The following CCDC60 variants were observed in gnomAD, a reference collection of about 807,000 sequenced individuals.
CCDC60 encodes the protein coiled-coil domain containing 60.
A neutral mutation model predicts 63.5 loss-of-function variants in CCDC60; 54 were observed. That is an observed-to-expected ratio of 0.85 (90% CI 0.68 to 1.07). The LOEUF is 1.07. Among genes scored for constraint, CCDC60 ranks in the 50% least tolerant of loss-of-function variants. CCDC60 has a pLI of 0.00. For missense variants in CCDC60, 651 were observed against 684.3 expected, an observed-to-expected ratio of 0.95 and a Z score of 0.54; for synonymous variants, 206 against 238.8, an observed-to-expected ratio of 0.86 and a Z score of 1.27.
chr12:119,360,953 A>G (rs892279265), intron 1 of CCDC60, among the ~76,000 whole-genome samples: 1 of 152,112 alleles, frequency 6.6e-6, no homozygotes, highest in Non-Finnish European at 1.5e-5. Flanking sequence ...GGCCAACACA[A>G]CGAAACCCCG....
At chr12:119,523,483 C>A (rs1342878899) in intron 10 of CCDC60, among the ~76,000 whole-genome samples, 1 of 152,184 alleles carries the variant, frequency 6.6e-6, no homozygotes, top group Non-Finnish European at 1.5e-5. Context: ...AGGGTCTGAA[C>A]GACCATCCTG....
chr12:119,507,392 A>G (rs909344145), intron 7 of CCDC60, among the ~76,000 whole-genome samples: 1 of 150,768 alleles, frequency 6.6e-6, no homozygotes. Context: ...ACTAAGATAG[A>G]CCATCAGCAG....
chr12:119,462,179 T>C (rs1950867808), intron 2 of CCDC60, among the ~76,000 whole-genome samples: 1 of 152,166 alleles, frequency 6.6e-6, no homozygotes, highest in Non-Finnish European at 1.5e-5. Context: ...TTCTGTGGAG[T>C]TAATTGATAA....
At chr12:119,432,928 T>C (rs1950256427) in intron 2 of CCDC60, among the ~76,000 whole-genome samples, 1 of 152,226 alleles carries the variant, frequency 6.6e-6, no homozygotes, top group Non-Finnish European at 1.5e-5. Context: ...CTAATTGTTT[T>C]ATACAGTTTG....
At position 119,419,171 on chromosome 12, in the gene CCDC60, A is replaced by T. The variant is rs117968054; in HGVS notation, c.91-9512A>T. ...GTCTAGGGCTCCCCTGCCAAATCCC[A>T]CTTCCTCCTCCTTTTCTCTTTCATG... On this transcript the variant is annotated intron_variant, in intron 1 of 13. Transcript: ENST00000327554. 8.6e-4 allele frequency among the ~76,000 whole-genome samples: 131 copies of T among 152,226 alleles called. 2 individuals are homozygous for T. In the East Asian group the frequency reaches 0.021, roughly 24 times the overall value.
At chr12:119,402,075 C>A (rs1335760742) in intron 1 of CCDC60, among the ~76,000 whole-genome samples, 1 of 152,170 alleles carries the variant, frequency 6.6e-6, no homozygotes, top group East Asian at 1.9e-4. Flanking sequence ...TCCTCAGACT[C>A]ATGAAAAAAT....
At chr12:119,512,009 G>C (rs527867669) in intron 7 of CCDC60, among the ~76,000 whole-genome samples, 13 of 152,322 alleles carry the variant, frequency 8.5e-5, no homozygotes, top group Non-Finnish European at 1.8e-4. Flanking sequence ...CAAATTGAGA[G>C]CTGGAGTAGA....
chr12:119,522,790 A>T, intron 9 of CCDC60, 149 bp from the exon 10 acceptor site: 1 of 752,266 alleles, frequency 1.3e-6, no homozygotes, highest in Admixed American at 1.9e-5. Flanking sequence ...GGTGGGAAGA[A>T]ATTCATAGAG....
chr12:119,389,331 G>A lies in CCDC60; in HGVS notation c.91-39352G>A, dbSNP rs190264078. The stretch of plus-strand genomic sequence containing the variant: ...TAAAGTTATACTGGAACACAGCCAC[G>A]CCCATTTCTTTACATATGGTCTATG... On this transcript the variant is annotated intron_variant, in intron 1 of 13. Coordinates refer to ENST00000327554, the MANE Select transcript of CCDC60 (RefSeq NM_178499.5). 1.1e-3 allele frequency among the ~76,000 whole-genome samples: 165 copies of A among 152,252 alleles called. 1 individual carries two copies. The highest frequency in any genetic ancestry group is 3.8e-3 in the African/African-American group (158 of 41,540).
At chr12:119,414,007 C>T (rs1397271123) in intron 1 of CCDC60, among the ~76,000 whole-genome samples, 1 of 152,036 alleles carries the variant, frequency 6.6e-6, no homozygotes, top group Non-Finnish European at 1.5e-5. Context: ...CCTAACCCTG[C>T]ACTGTCTATC....
chr12:119,336,138 G>A (rs1955468596), intron 1 of CCDC60, among the ~76,000 whole-genome samples: 1 of 151,044 alleles, frequency 6.6e-6, no homozygotes, highest in Non-Finnish European at 1.5e-5. Context: ...AGATATACCT[G>A]ATGCTAGATG....
intron 1 of CCDC60, among the ~76,000 whole-genome samples, chr12:119,390,562 C>A (rs1358559492): frequency 6.6e-6 from 1 of 152,168 alleles, no homozygotes; most frequent in Non-Finnish European, 1.5e-5. Context: ...TGTGGATGGA[C>A]CCCTCAGAGA....
chr12:119,444,021 A>G (rs1426164815), intron 2 of CCDC60, among the ~76,000 whole-genome samples: 1 of 152,204 alleles, frequency 6.6e-6, no homozygotes, highest in Admixed American at 6.5e-5. Flanking sequence ...CTGCTTAACT[A>G]TGCCATCAGG....
chr12:119,486,316 C>G (rs1355466713), intron 4 of CCDC60, among the ~76,000 whole-genome samples: 1 of 152,176 alleles, frequency 6.6e-6, no homozygotes, highest in Middle Eastern at 3.4e-3. Flanking sequence ...GCAGGAGGAC[C>G]GCTGGAGGCC....
chr12:119,425,522 GCT>G (rs1956884397), intron 1 of CCDC60, among the ~76,000 whole-genome samples: 1 of 152,158 alleles, frequency 6.6e-6, no homozygotes, highest in Non-Finnish European at 1.5e-5. Context: ...CCTAATTTAA[GCT>G]GTTATAAATA....
intron 3 of CCDC60, among the ~76,000 whole-genome samples, chr12:119,472,491 A>G (rs1036450897): frequency 6.6e-6 from 1 of 151,528 alleles, no homozygotes; most frequent in African/African-American, 2.4e-5. Context: ...TTTAGTCCAC[A>G]TCAGTATCTC....
rs546184152 is a variant in CCDC60, at chr12:119,437,470, A to G, written c.170+8708A>G. Among the ~76,000 whole-genome samples the G allele has an allele frequency of 7.2e-5, 11 of 152,340 alleles. No homozygotes were observed. In the South Asian group the frequency reaches 1.7e-3, roughly 23 times the overall value. ...TGTCATCTCCAAATTAGAAATCTCA[A>G]AAGGAAACTTTGATATCTATAGTGG... On this transcript the variant is annotated intron_variant, in intron 2 of 13. Coordinates refer to ENST00000327554, the MANE Select transcript of CCDC60 (RefSeq NM_178499.5).
intron 2 of CCDC60, chr12:119,433,626 G>A (rs1351087049): frequency 4.3e-6 from 3 of 700,226 alleles, no homozygotes; most frequent in Admixed American, 2.0e-5. Flanking sequence ...GAGGCGAATT[G>A]TTAACAAAGA....
chr12:119,533,312 A>G (rs1315091964), intron 13 of CCDC60, among the ~76,000 whole-genome samples: 1 of 152,050 alleles, frequency 6.6e-6, no homozygotes, highest in African/African-American at 2.4e-5. Flanking sequence ...TAGATTCTAG[A>G]TATTAGCCCT....
Sources: gnomAD v4.1 joint callset for allele counts (sites outside exome capture counted in the v4.1 genomes callset) on GRCh38, gnomAD v4.1.1 for gene constraint, MANE v1.5 for transcripts, NCBI Gene and HGNC (gene_info 2026-07-23, HGNC 2026-07-21) for gene names.